COG6: variants seen among roughly 807,000 people sequenced by gnomAD.
COG6 encodes conserved oligomeric Golgi complex subunit 6.
Under a neutral mutation model 88.8 loss-of-function variants are expected in COG6, and 74 were observed. The observed-to-expected ratio is 0.83, with a 90% confidence interval of 0.69 to 1.01. COG6 has a LOEUF of 1.01. Among genes scored for constraint, COG6 ranks in the 50% least tolerant of loss-of-function variants. The probability of loss-of-function intolerance (pLI) is 0.00; values close to 1 mark genes in which losing one functional copy is unlikely to be tolerated. For synonymous variants in COG6, 286 were observed against 278.7 expected (o/e 1.03, Z -0.26); for missense variants, 800 against 797.9 (o/e 1.00, Z -0.03).
intron 18 of COG6, among the ~76,000 whole-genome samples, chr13:39,736,480 G>T (rs1879749702): frequency 6.6e-6 from 1 of 152,040 alleles, no homozygotes; most frequent in South Asian, 2.1e-4. Flanking sequence ...ATTACCTGAG[G>T]TCAGGAGTTC....
intron 13 of COG6, among the ~76,000 whole-genome samples, chr13:39,715,736 C>G (rs751474409): frequency 4.1e-4 from 63 of 152,096 alleles, no homozygotes; most frequent in African/African-American, 1.4e-3. Flanking sequence ...TAACACTCAT[C>G]TACATCCTGT....
chr13:39,784,329 G>A (rs1189459827), intron 18 of COG6, among the ~76,000 whole-genome samples: 1 of 152,170 alleles, frequency 6.6e-6, no homozygotes, highest in East Asian at 1.9e-4. Flanking sequence ...AATGAGTGGT[G>A]GATTCTAGAT....
chr13:39,787,938 G>T (rs56119003), intron 18 of COG6, among the ~76,000 whole-genome samples: 7,220 of 152,160 alleles, frequency 0.047, 549 homozygotes, highest in African/African-American at 0.16. Flanking sequence ...ATCCCCCATG[G>T]ATAGTGAGGG....
intron 13 of COG6, among the ~76,000 whole-genome samples, chr13:39,712,270 G>A (rs940182963): frequency 1.3e-4 from 20 of 151,964 alleles, no homozygotes; most frequent in African/African-American, 2.4e-4. Flanking sequence ...ATTCTTCCAC[G>A]TAGAAGCCAG....
At chr13:39,674,969 A>G (rs982359525) in intron 4 of COG6, among the ~76,000 whole-genome samples, 33 of 152,148 alleles carry the variant, frequency 2.2e-4, no homozygotes, top group African/African-American at 8.0e-4. Flanking sequence ...GGGGATTCCT[A>G]TACATACTTT....
chr13:39,737,066 C>G (rs376348483), intron 18 of COG6, among the ~76,000 whole-genome samples: 9 of 152,256 alleles, frequency 5.9e-5, no homozygotes, highest in African/African-American at 2.2e-4. Context: ...CTTGCAGACT[C>G]AATGAGGGTA....
At chr13:39,763,250 T>G (rs1295955496) in intron 18 of COG6, among the ~76,000 whole-genome samples, 1 of 151,820 alleles carries the variant, frequency 6.6e-6, no homozygotes, top group Non-Finnish European at 1.5e-5. Context: ...GTTATTTGTG[T>G]ATTATTTTGT....
At chr13:39,715,944 TAAC>T (rs1878504783) in intron 13 of COG6, among the ~76,000 whole-genome samples, 1 of 152,032 alleles carries the variant, frequency 6.6e-6, no homozygotes, top group Admixed American at 6.6e-5. Context: ...ATAATCAGTT[TAAC>T]AACAGTCTGG....
chr13:39,774,581 C>CT lies in COG6; in HGVS notation c.1827-13743dup, dbSNP rs545290655. Among the ~76,000 whole-genome samples the CT allele has an allele frequency of 4.3e-3, 619 of 145,502 alleles. 3 individuals are homozygous for CT. Among genetic ancestry groups the CT allele is most frequent in the African/African-American group, 0.013 (514 of 40,002 alleles). On this transcript the variant is annotated intron_variant, in intron 18 of 18. Transcript: ENST00000416691. ...AAAGTTGGAAAAAAATTTCTTTTTT[C>CT]TTTTTTTTTTTGAGACAGAGTCTCG...
intron 4 of COG6, among the ~76,000 whole-genome samples, chr13:39,676,922 A>G (rs548018594): frequency 6.6e-6 from 1 of 152,102 alleles, no homozygotes; most frequent in Non-Finnish European, 1.5e-5. Flanking sequence ...TTTTATTACT[A>G]TATTTTGTAG....
chr13:39,681,163 C>T (rs1876291709), intron 7 of COG6, among the ~76,000 whole-genome samples: 1 of 152,218 alleles, frequency 6.6e-6, no homozygotes, highest in African/African-American at 2.4e-5. Context: ...GTGTTACCAA[C>T]TGACTGTTGG....
At position 39,679,592 on chromosome 13, in the gene COG6, C is replaced by A. The variant is rs1336567471; in HGVS notation, c.595C>A (p.Leu199Ile). Residue 199 changes from leucine (L) to isoleucine (I), a missense_variant, in exon 6 of 19, where the codon CTC (leucine) becomes ATC (isoleucine). Transcript: ENST00000455146. ...VKQIHNDVKVLLRTNQQTAGL... is the reference protein window; with the variant it reads ...VKQIHNDVKVILRTNQQTAGL... ...ACAGATTCATAATGATGTCAAAGTT[C>A]TCTTGCGTACAAATCAACAAACGGC... The A allele has an allele frequency of 6.2e-7, 1 of 1,607,142 alleles. No individual in the cohort carries two copies. Among genetic ancestry groups the A allele is most frequent in the Non-Finnish European group, 8.5e-7 (1 of 1,173,754 alleles).
In COG6 at chr13:39,679,772, A is replaced by T. The variant is rs565266177; in HGVS notation, c.623+152A>T. The T allele has an allele frequency of 1.9e-4, 137 of 714,634 alleles. 1 individual carries two copies. In the African/African-American group the frequency reaches 2.3e-3, roughly 12 times the overall value. The allele number at this position is 714,634 out of a possible 1,614,324, so 44.3% of individuals were successfully genotyped here. A position where few individuals can be genotyped will look rare whatever the true frequency, so the allele number is the denominator to read the frequency against. On this transcript the variant is annotated intron_variant, in intron 6 of 18. Transcript: ENST00000455146. ...GAGAATGGTGAAGTTATACTCTGAC[A>T]GGTTTAGGCTAAAACAGCAGTTGAT...
rs1439518603 is a variant in COG6, at chr13:39,752,359, A to T, written c.*1266A>T. On this transcript the variant is annotated 3_prime_UTR_variant, in exon 19 of 19. Coordinates refer to ENST00000455146, the MANE Select transcript of COG6 (RefSeq NM_020751.3). ...ATTTATCTGAAGTTTATAATTGTTT[A>T]TACCTAATACAGTTCTTTTTGGAGT... 1.1e-6 allele frequency: 1 copy of T among 887,224 alleles called. No individual in the cohort carries two copies. The highest frequency in any genetic ancestry group is 6.2e-5 in the East Asian group (1 of 16,004). 55.0% of individuals were successfully genotyped at this position (887,224 alleles called of 1,614,324 possible).
At chr13:39,655,917 G>A in intron 1 of COG6, 38 bp downstream of exon 1, 1 of 1,584,468 alleles carries the variant, frequency 6.3e-7, no homozygotes, top group Non-Finnish European at 8.6e-7. Flanking sequence ...ACAGGTTCCT[G>A]CGGGGCTGAG....
chr13:39,724,682 G>A (rs755602974), intron 17 of COG6, 121 bp downstream of exon 17: 23 of 767,972 alleles, frequency 3.0e-5, no homozygotes, highest in Admixed American at 6.4e-5. Flanking sequence ...CTGTATTAAC[G>A]TTGGGTCCAA....
At chr13:39,764,344 T>C (rs1881106829) in intron 18 of COG6, among the ~76,000 whole-genome samples, 1 of 151,634 alleles carries the variant, frequency 6.6e-6, no homozygotes, top group South Asian at 2.1e-4. Context: ...TTTTATTGTA[T>C]ATTTGTTTTC....
chr13:39,670,480 A>T (rs185583994), intron 4 of COG6, among the ~76,000 whole-genome samples: 1 of 152,148 alleles, frequency 6.6e-6, no homozygotes, highest in East Asian at 1.9e-4. Flanking sequence ...TGGGTAAGAG[A>T]TTATTAGATT....
intron 18 of COG6, among the ~76,000 whole-genome samples, chr13:39,780,343 A>T (rs1199973913): frequency 1.3e-5 from 2 of 152,214 alleles, no homozygotes; most frequent in African/African-American, 4.8e-5. Context: ...GCTGGCACCA[A>T]GGAAGGCAAG....
Sources: allele counts gnomAD v4.1 joint callset (sites outside exome capture counted in the v4.1 genomes callset), GRCh38; gene constraint gnomAD v4.1.1; transcripts MANE v1.5; gene names NCBI Gene and HGNC (gene_info 2026-07-23, HGNC 2026-07-21).